Variants in PHACTR3 observed in about 807,000 individuals in gnomAD.
The protein encoded by PHACTR3 is protein phosphatase 1, regulatory subunit 123.
In PHACTR3, 16 loss-of-function variants were observed where a neutral mutation model predicts 66.8. That is an observed-to-expected ratio of 0.24 (90% confidence interval 0.16 to 0.36). PHACTR3 has a LOEUF of 0.36. PHACTR3 is among the 10% of genes least tolerant of loss of function. The pLI, the probability that PHACTR3 is intolerant of heterozygous loss-of-function variation, is 1.00. For missense variants in PHACTR3, 647 were observed against 719.9 expected (o/e 0.90, Z 1.16); for synonymous variants, 323 against 292.1 (o/e 1.11, Z -1.08).
chr20:59,750,825 A>G (rs2039552009), intron 3 of PHACTR3, among the ~76,000 whole-genome samples: 2 of 137,952 alleles, frequency 1.4e-5, no homozygotes, highest in South Asian at 4.2e-4. Flanking sequence ...TGCCACCTGT[A>G]ATCAACCTGT....
At chr20:59,840,874 CAA>C (rs1433215272) in intron 10 of PHACTR3, among the ~76,000 whole-genome samples, 5 of 151,008 alleles carry the variant, frequency 3.3e-5, no homozygotes, top group African/African-American at 1.2e-4. Flanking sequence ...CTCTGTGACT[CAA>C]ACAGTTAACA....
At chr20:59,801,969 T>C (rs1303039809) in intron 7 of PHACTR3, among the ~76,000 whole-genome samples, 2 of 152,224 alleles carry the variant, frequency 1.3e-5, no homozygotes, top group East Asian at 3.8e-4. Flanking sequence ...AGGTCCATTA[T>C]GGACAGGTGC....
chr20:59,792,449 G>T (rs1414170467), intron 7 of PHACTR3, among the ~76,000 whole-genome samples: 3 of 152,218 alleles, frequency 2.0e-5, no homozygotes, highest in Non-Finnish European at 4.4e-5. Flanking sequence ...CAAGGTATTA[G>T]AGTTTCAGTT....
intron 1 of PHACTR3, among the ~76,000 whole-genome samples, chr20:59,596,899 CT>C (rs1462469195): frequency 6.6e-6 from 1 of 152,240 alleles, no homozygotes; most frequent in Non-Finnish European, 1.5e-5. Context: ...TGGCCAGTGG[CT>C]TCATACACTA....
chr20:59,747,593 G>A (rs559166326), intron 2 of PHACTR3, among the ~76,000 whole-genome samples, 165 bp from the exon 3 acceptor site: 1 of 152,352 alleles, frequency 6.6e-6, no homozygotes, highest in South Asian at 2.1e-4. Flanking sequence ...AGCACTCTTG[G>A]TAAGAAAGTT....
chr20:59,779,354 T>C (rs1384800054), intron 7 of PHACTR3, among the ~76,000 whole-genome samples: 1 of 152,214 alleles, frequency 6.6e-6, no homozygotes, highest in East Asian at 1.9e-4. Flanking sequence ...TAAATGTTGC[T>C]TTTTGGGGGG....
intron 3 of PHACTR3, among the ~76,000 whole-genome samples, chr20:59,748,092 A>G (rs545850541): frequency 6.6e-6 from 1 of 152,354 alleles, no homozygotes; most frequent in South Asian, 2.1e-4. Flanking sequence ...GGGAATGTCT[A>G]ACAGAGCTGG....
intron 1 of PHACTR3, among the ~76,000 whole-genome samples, chr20:59,583,699 C>T (rs1393850810): frequency 6.6e-6 from 1 of 152,206 alleles, no homozygotes; most frequent in Non-Finnish European, 1.5e-5. Flanking sequence ...GTACACTTCC[C>T]TTGCATAGGA....
intron 1 of PHACTR3, among the ~76,000 whole-genome samples, chr20:59,670,500 G>A (rs1239263865): frequency 6.7e-6 from 1 of 150,334 alleles, no homozygotes; most frequent in African/African-American, 2.4e-5. Flanking sequence ...CCAGAGTGTG[G>A]ACACACATCC....
rs181345993 is a variant in PHACTR3 at position 59,826,778 on chromosome 20, A to G, written c.1329-9727A>G. 1.5e-3 allele frequency among the ~76,000 whole-genome samples: 222 copies of G among 152,048 alleles called. 2 individuals carry two copies. Among genetic ancestry groups the G allele is most frequent in the Non-Finnish European group, 1.4e-3 (97 of 67,956 alleles). On this transcript the variant is annotated intron_variant, in intron 8 of 12. Coordinates refer to ENST00000371015, the MANE Select transcript of PHACTR3 (RefSeq NM_080672.5). ...GCGTCTCTCCCTCCTCTTTGCACACATGTTCTTGGCCTTTCTTCCTCACTC... is the reference window on the plus strand; with the variant it reads ...GCGTCTCTCCCTCCTCTTTGCACACGTGTTCTTGGCCTTTCTTCCTCACTC...
chr20:59,809,018 G>A (rs2041656023), intron 8 of PHACTR3, among the ~76,000 whole-genome samples: 1 of 152,248 alleles, frequency 6.6e-6, no homozygotes, highest in Non-Finnish European at 1.5e-5. Context: ...AACGCTCCCC[G>A]GGTGAGAATC....
chr20:59,595,179 T>C, intron 1 of PHACTR3, among the ~76,000 whole-genome samples: 1 of 152,160 alleles, frequency 6.6e-6, no homozygotes, highest in East Asian at 1.9e-4. Flanking sequence ...AATTTGTTAA[T>C]GTGCCGGGCG....
intron 4 of PHACTR3, among the ~76,000 whole-genome samples, chr20:59,756,062 G>C (rs2039782205): frequency 6.6e-6 from 1 of 152,168 alleles, no homozygotes; most frequent in Admixed American, 6.5e-5. Context: ...GCTTTGCGTA[G>C]TGGTGGTGGT....
chr20:59,745,713 G>C (rs2039341911), intron 2 of PHACTR3, among the ~76,000 whole-genome samples: 1 of 152,224 alleles, frequency 6.6e-6, no homozygotes, highest in South Asian at 2.1e-4. Context: ...GCTGAAGATG[G>C]CTCTCAGGGG....
At chr20:59,689,903 G>C (rs2037046809) in intron 1 of PHACTR3, among the ~76,000 whole-genome samples, 1 of 152,156 alleles carries the variant, frequency 6.6e-6, no homozygotes, top group Non-Finnish European at 1.5e-5. Context: ...AGGCCCCCTT[G>C]TCTGTGCGCT....
intron 7 of PHACTR3, 57 bp downstream of exon 7, chr20:59,774,547 CA>C: frequency 1.3e-6 from 2 of 1,557,452 alleles, no homozygotes; most frequent in Non-Finnish European, 1.7e-6. Context: ...CTAGTGTCAC[CA>C]GGGGGTCGAG....
rs34824435 is a variant in PHACTR3 at position 59,670,605 on chromosome 20, T to TTGGGGG, written c.118+65473_118+65474insTGGGGG. 3.9e-3 allele frequency among the ~76,000 whole-genome samples: 185 copies of TTGGGGG among 47,134 alleles called. 13 individuals are homozygous for TTGGGGG. Among genetic ancestry groups the TTGGGGG allele is most frequent in the East Asian group, 0.037 (47 of 1,272 alleles). The allele number at this position is 47,134 out of a possible 152,430, so 30.9% of individuals were successfully genotyped here. ...AATGAGGACAGGCATCTGCCGGGGG[T>TTGGGGG]GGGGGGGGGGGGCAGGCACTTTTAC... On this transcript the variant is annotated intron_variant, in intron 1 of 12. Coordinates refer to ENST00000371015, the MANE Select transcript of PHACTR3 (RefSeq NM_080672.5).
chr20:59,723,066 C>CTTTCT (rs1264873604), intron 1 of PHACTR3, among the ~76,000 whole-genome samples: 2 of 85,062 alleles, frequency 2.4e-5, no homozygotes, highest in African/African-American at 1.0e-4. Flanking sequence ...CTTTCTCTTT[C>CTTTCT]TTTCTTTCTT....
chr20:59,775,087 AT>A (rs376677226), intron 7 of PHACTR3, among the ~76,000 whole-genome samples: 1 of 26,446 alleles, frequency 3.8e-5, no homozygotes, highest in Non-Finnish European at 1.8e-4. Flanking sequence ...GCGTTCTCCC[AT>A]GAGGTAATTG....
Sources: gnomAD v4.1 joint callset for allele counts (sites outside exome capture counted in the v4.1 genomes callset) on GRCh38, gnomAD v4.1.1 for gene constraint, MANE v1.5 for transcripts, NCBI Gene and HGNC (gene_info 2026-07-23, HGNC 2026-07-21) for gene names.